The following VDR variants were observed in gnomAD, a reference collection of about 807,000 sequenced individuals.
The protein encoded by VDR is vitamin D3 receptor.
Under a neutral mutation model 39.7 loss-of-function variants are expected in VDR, and 19 were observed. That is an observed-to-expected ratio of 0.48 (90% CI 0.33 to 0.70). The LOEUF (loss-of-function observed/expected upper bound fraction) is 0.70. VDR is among the 30% of genes least tolerant of loss of function. The pLI, the probability that VDR is intolerant of heterozygous loss-of-function variation, is 0.02. For synonymous variants in VDR, 242 were observed against 215.8 expected (o/e 1.12, Z -1.07); for missense variants, 442 against 570.5 (o/e 0.77, Z 2.29).
intron 2 of VDR, 111 bp downstream of exon 2, chr12:47,882,583 G>A: frequency 1.1e-6 from 1 of 941,852 alleles, no homozygotes; most frequent in Non-Finnish European, 1.6e-6. Context: ...GCAAAATCCT[G>A]GGTGGTATCC....
Position 47,857,556 on chromosome 12 carries a change from T to C in VDR, c.410A>G (p.Asp137Gly). ...GGGGTCGTAGGTCTTATGGTGGGCG[T>C]CCAGCAGTATGGCAATGATGCGCTG... Reference protein sequence around the residue: ...EQQRIIAILLDAHHKTYDPTY... With the variant: ...EQQRIIAILLGAHHKTYDPTY... Residue 137 changes from aspartate to glycine, a missense_variant, in exon 5 of 10, where the codon GAC becomes GGC. Coordinates refer to ENST00000549336, the MANE Select transcript of VDR (RefSeq NM_000376.3). 6.2e-7 allele frequency: 1 copy of C among 1,614,044 alleles called. No homozygotes were observed. Among genetic ancestry groups the C allele is most frequent in the Non-Finnish European group, 8.5e-7 (1 of 1,180,000 alleles).
At chr12:47,863,049 G>T (rs1435962379) in intron 4 of VDR, among the ~76,000 whole-genome samples, 1 of 152,334 alleles carries the variant, frequency 6.6e-6, no homozygotes, top group East Asian at 1.9e-4. Context: ...GCTGGGGTGG[G>T]CGTGGCTGAG....
rs780176456 is a variant in VDR at position 47,844,584 on chromosome 12, T to A, written c.*162A>T. On this transcript the variant is annotated 3_prime_UTR_variant, in exon 10 of 10. Transcript: ENST00000549336. ...AAAAGCCCGCAGGAAAGGGGTTAGG[T>A]TGGACAGGAGAGAGAATGGGCTGGG... 5.3e-6 allele frequency: 5 copies of A among 946,092 alleles called. No individual in the cohort carries two copies. Among genetic ancestry groups the A allele is most frequent in the Non-Finnish European group, 7.9e-6 (5 of 632,288 alleles). 58.6% of individuals were successfully genotyped at this position (946,092 alleles called of 1,614,324 possible). A position where few individuals can be genotyped will look rare whatever the true frequency, so the allele number is the denominator to read the frequency against.
chr12:47,856,550 A>C (rs1455025767), intron 6 of VDR, among the ~76,000 whole-genome samples: 3 of 151,990 alleles, frequency 2.0e-5, no homozygotes, highest in African/African-American at 7.3e-5. Context: ...AAACAATGCC[A>C]TATAAAAAAA....
At chr12:47,872,856 C>A (rs1945912424) in intron 3 of VDR, among the ~76,000 whole-genome samples, 1 of 152,192 alleles carries the variant, frequency 6.6e-6, no homozygotes, top group South Asian at 2.1e-4. Context: ...CCACTGGAAG[C>A]TTTCTAGGTC....
chr12:47,869,943 T>C (rs959114747), intron 3 of VDR, among the ~76,000 whole-genome samples: 3 of 152,116 alleles, frequency 2.0e-5, no homozygotes, highest in African/African-American at 4.8e-5. Context: ...AAAAAAAAGT[T>C]TGGCGCCCTT....
intron 3 of VDR, among the ~76,000 whole-genome samples, chr12:47,871,316 T>TTCTTTC (rs1945863871): frequency 7.2e-6 from 1 of 139,748 alleles, no homozygotes; most frequent in African/African-American, 2.7e-5. Flanking sequence ...CTTTCTTTCT[T>TTCTTTC]TCTTTCTTTC....
intron 1 of VDR, chr12:47,898,911 G>A (rs546302400): frequency 6.5e-6 from 1 of 153,224 alleles, no homozygotes; most frequent in South Asian, 2.1e-4. Context: ...AGTAAGGAAG[G>A]GGAATGCAAA....
chr12:47,894,985 A>T (rs1946439737), intron 1 of VDR, among the ~76,000 whole-genome samples: 1 of 152,264 alleles, frequency 6.6e-6, no homozygotes. Context: ...ACAGAATGCA[A>T]GGAAGAAGGA....
chr12:47,862,243 G>A (rs1945641217), intron 4 of VDR, among the ~76,000 whole-genome samples: 1 of 152,228 alleles, frequency 6.6e-6, no homozygotes. Flanking sequence ...GAGAAAATGA[G>A]TCTTTGGTGG....
intron 3 of VDR, among the ~76,000 whole-genome samples, chr12:47,872,676 C>G (rs1945907474): frequency 6.6e-6 from 1 of 152,202 alleles, no homozygotes; most frequent in African/African-American, 2.4e-5. Flanking sequence ...CCAGCCCTTC[C>G]CTCTTCATAC....
chr12:47,845,127 A>G (rs1291435938), intron 9 of VDR, 122 bp from the exon 10 acceptor site: 12 of 1,457,750 alleles, frequency 8.2e-6, no homozygotes, highest in African/African-American at 1.4e-5. Flanking sequence ...CCACCCCTCT[A>G]TGACTGCTGA....
At chr12:47,869,468 G>A (rs1480553388) in intron 3 of VDR, among the ~76,000 whole-genome samples, 1 of 150,672 alleles carries the variant, frequency 6.6e-6, no homozygotes, top group Non-Finnish European at 1.5e-5. Context: ...CCCGGGAGGT[G>A]GAGCTTGCAG....
intron 3 of VDR, among the ~76,000 whole-genome samples, chr12:47,867,990 A>G (rs1053363776): frequency 3.3e-5 from 5 of 152,140 alleles, no homozygotes; most frequent in African/African-American, 4.8e-5. Context: ...GCAGGCCCAG[A>G]CTCTTAGATC....
chr12:47,880,973 A>G (rs1369886035), intron 2 of VDR, among the ~76,000 whole-genome samples: 7 of 149,834 alleles, frequency 4.7e-5, no homozygotes, highest in Non-Finnish European at 1.0e-4. Flanking sequence ...ATATATACCT[A>G]TATATAAAGA....
chr12:47,851,598 C>T (rs760887622), intron 7 of VDR, among the ~76,000 whole-genome samples: 1 of 152,200 alleles, frequency 6.6e-6, no homozygotes, highest in Non-Finnish European at 1.5e-5. Context: ...AACAATAGAA[C>T]CCCTAAGTGT....
chr12:47,874,573 C>T (rs995201575), intron 3 of VDR, among the ~76,000 whole-genome samples: 1 of 152,200 alleles, frequency 6.6e-6, no homozygotes, highest in Non-Finnish European at 1.5e-5. Flanking sequence ...AGCTAGGAAG[C>T]GAAAACGCAC....
chr12:47,850,667 G>T (rs1945366861), intron 7 of VDR, among the ~76,000 whole-genome samples: 1 of 152,162 alleles, frequency 6.6e-6, no homozygotes, highest in African/African-American at 2.4e-5. Flanking sequence ...AGTAGAGGTG[G>T]AGTTACAGGG....
At chr12:47,863,648 A>G (rs1592115123) in intron 4 of VDR, among the ~76,000 whole-genome samples, 1 of 152,174 alleles carries the variant, frequency 6.6e-6, no homozygotes, top group East Asian at 1.9e-4. Flanking sequence ...CACAGGAGCC[A>G]GGGCGTGGCA....
Sources: allele counts gnomAD v4.1 joint callset (sites outside exome capture counted in the v4.1 genomes callset), GRCh38; gene constraint gnomAD v4.1.1; transcripts MANE v1.5; gene names NCBI Gene and HGNC (gene_info 2026-07-23, HGNC 2026-07-21).